FRMD3: variants seen among roughly 807,000 people sequenced by gnomAD.
FRMD3 encodes the protein FERM domain containing 3.
In FRMD3, 33 loss-of-function variants were observed where a neutral mutation model predicts 70.2. The observed-to-expected ratio is 0.47, with a 90% CI of 0.36 to 0.63. The LOEUF (loss-of-function observed/expected upper bound fraction) is 0.63, where lower values mean the gene tolerates loss of function less well. Among genes scored for constraint, FRMD3 ranks in the 20% least tolerant of loss-of-function variants. FRMD3 has a pLI of 0.00. For missense variants in FRMD3, 632 were observed against 711.4 expected (o/e 0.89, Z 1.27); for synonymous variants, 279 against 255.9 (o/e 1.09, Z -0.86).
chr9:83,438,643 A>G (rs1054426587), intron 1 of FRMD3, among the ~76,000 whole-genome samples: 5 of 151,756 alleles, frequency 3.3e-5, no homozygotes, highest in African/African-American at 9.7e-5. Context: ...CAGGTGATCC[A>G]CCCGCCTCTG....
Position 83,531,832 on chromosome 9 carries a change from A to G in FRMD3, c.147+6253T>C, listed in dbSNP as rs370051971. 4.6e-5 allele frequency among the ~76,000 whole-genome samples: 7 copies of G among 152,360 alleles called. No homozygotes were observed. The East Asian group carries it at 7.7e-4, about 17-fold the overall frequency. On this transcript the variant is annotated intron_variant, in intron 1 of 13. Coordinates refer to ENST00000304195, the MANE Select transcript of FRMD3 (RefSeq NM_174938.6). ...TTGAACATTTACAACATGCTTTTAC[A>G]TAAGCCATCTCAACAACACAGTGGA...
chr9:83,246,092 T>C lies in FRMD3; in HGVS notation c.*1826A>G. On this transcript the variant is annotated 3_prime_UTR_variant, in exon 14 of 14. Transcript: ENST00000304195. ...TTCAAAACTCATTTCCAAAATTAAATGTCCAGTGAAGTACTCAGAGCTCCA... is the reference window on the plus strand; with the variant it reads ...TTCAAAACTCATTTCCAAAATTAAACGTCCAGTGAAGTACTCAGAGCTCCA... The C allele has an allele frequency of 1.0e-6, 1 of 985,352 alleles. No homozygotes were observed. Among genetic ancestry groups the C allele is most frequent in the Non-Finnish European group, 1.2e-6 (1 of 829,902 alleles). 61.0% of individuals were successfully genotyped at this position (985,352 alleles called of 1,614,324 possible). A position where few individuals can be genotyped will look rare whatever the true frequency, so the allele number is the denominator to read the frequency against.
chr9:83,531,612 T>G (rs988357750), intron 1 of FRMD3, among the ~76,000 whole-genome samples: 1 of 152,332 alleles, frequency 6.6e-6, no homozygotes, highest in Admixed American at 6.5e-5. Flanking sequence ...AAGTGTTGAA[T>G]TGTCCTTACT....
At chr9:83,293,945 C>G (rs556939570) in intron 12 of FRMD3, among the ~76,000 whole-genome samples, 1 of 152,186 alleles carries the variant, frequency 6.6e-6, no homozygotes, top group Admixed American at 6.5e-5. Flanking sequence ...ATCCAGGGCT[C>G]CCAGCCCAAT....
intron 13 of FRMD3, among the ~76,000 whole-genome samples, chr9:83,277,703 G>A (rs987560283): frequency 2.0e-5 from 3 of 152,148 alleles, no homozygotes; most frequent in African/African-American, 7.2e-5. Context: ...TAACAAGAGA[G>A]CATGCTTGAC....
intron 13 of FRMD3, among the ~76,000 whole-genome samples, chr9:83,273,812 G>A (rs1287331014): frequency 6.6e-6 from 1 of 151,970 alleles, no homozygotes; most frequent in Non-Finnish European, 1.5e-5. Context: ...AAAGTCACTT[G>A]GTGTTTTCTT....
chr9:83,550,409 G>A, the FRMD3 span, among the ~76,000 whole-genome samples: 1 of 152,062 alleles, frequency 6.6e-6, no homozygotes, highest in Non-Finnish European at 1.5e-5. Context: ...TTTCTGCTTA[G>A]GATTGCCTTG....
At chr9:83,425,413 C>A (rs1006127264) in intron 1 of FRMD3, among the ~76,000 whole-genome samples, 1 of 152,010 alleles carries the variant, frequency 6.6e-6, no homozygotes, top group Admixed American at 6.6e-5. Flanking sequence ...AGGTGGGGGC[C>A]ATCAGAGCAT....
intron 3 of FRMD3, among the ~76,000 whole-genome samples, chr9:83,370,816 G>T (rs867369952): frequency 2.0e-5 from 3 of 152,110 alleles, no homozygotes; most frequent in Admixed American, 2.0e-4. Flanking sequence ...GGAGGCTGAG[G>T]CACAAGAATC....
chr9:83,282,101 A>G (rs1338878132), intron 13 of FRMD3, among the ~76,000 whole-genome samples: 2 of 152,214 alleles, frequency 1.3e-5, no homozygotes, highest in Non-Finnish European at 2.9e-5. Flanking sequence ...ATGTGAGTAT[A>G]AGGATGTAAT....
In FRMD3 at chr9:83,351,153, G is replaced by A. The variant is rs144890462; in HGVS notation, c.296-1396C>T. Among the ~76,000 whole-genome samples, 170 of 152,256 alleles carry A rather than the reference G, an allele frequency of 1.1e-3. 1 individual carries two copies. Among genetic ancestry groups the A allele is most frequent in the African/African-American group, 4.0e-3 (165 of 41,564 alleles). Reference sequence around the variant, plus strand: ...ATTCTACACTGTCTGGACTACTCCAGATGTAGACGAATCCTTTACATAAGA... The same window carrying A: ...ATTCTACACTGTCTGGACTACTCCAAATGTAGACGAATCCTTTACATAAGA... On this transcript the variant is annotated intron_variant, in intron 3 of 13. Transcript: ENST00000304195.
intron 1 of FRMD3, among the ~76,000 whole-genome samples, chr9:83,483,455 C>T (rs1463115709): frequency 1.3e-5 from 2 of 152,212 alleles, no homozygotes; most frequent in Non-Finnish European, 2.9e-5. Flanking sequence ...TCAGGATCTA[C>T]ATTTTCCACC....
At chr9:83,539,046 C>G (rs1354838108), upstream of FRMD3, among the ~76,000 whole-genome samples, 1 of 152,188 alleles carries the variant, frequency 6.6e-6, no homozygotes, top group Non-Finnish European at 1.5e-5. Context: ...ATGTGCAAAT[C>G]CTCCTTTAAA....
At chr9:83,442,786 T>G (rs1827341588) in intron 1 of FRMD3, among the ~76,000 whole-genome samples, 1 of 151,938 alleles carries the variant, frequency 6.6e-6, no homozygotes, top group Non-Finnish European at 1.5e-5. Flanking sequence ...GTGAGTTACC[T>G]CCCTTTCATC....
At chr9:83,559,108 A>G in the FRMD3 span, among the ~76,000 whole-genome samples, 1 of 152,228 alleles carries the variant, frequency 6.6e-6, no homozygotes, top group Admixed American at 6.5e-5. Flanking sequence ...GCAGGTTTTG[A>G]GAGGATTGAC....
intron 1 of FRMD3, among the ~76,000 whole-genome samples, chr9:83,531,260 C>T (rs557352096): frequency 6.6e-6 from 1 of 152,188 alleles, no homozygotes; most frequent in East Asian, 1.9e-4. Flanking sequence ...AGTAAATGTC[C>T]TTAATGTTAA....
chr9:83,448,986 G>C (rs1827562069), intron 1 of FRMD3, among the ~76,000 whole-genome samples: 1 of 152,184 alleles, frequency 6.6e-6, no homozygotes, highest in South Asian at 2.1e-4. Flanking sequence ...GGTCTTATCT[G>C]TATGAAACAT....
chr9:83,346,619 G>T (rs919341571), intron 4 of FRMD3, among the ~76,000 whole-genome samples: 8 of 152,190 alleles, frequency 5.3e-5, no homozygotes, highest in African/African-American at 9.7e-5. Flanking sequence ...ATCAGATCAT[G>T]GTGTTAGTGG....
At chr9:83,539,405 A>C (rs1039761264), upstream of FRMD3, among the ~76,000 whole-genome samples, 5 of 152,304 alleles carry the variant, frequency 3.3e-5, no homozygotes, top group South Asian at 1.0e-3. Context: ...GAGCACTAGA[A>C]TGTCCAGGAG....
Sources: allele counts gnomAD v4.1 joint callset (sites outside exome capture counted in the v4.1 genomes callset), GRCh38; gene constraint gnomAD v4.1.1; transcripts MANE v1.5; gene names NCBI Gene and HGNC (gene_info 2026-07-23, HGNC 2026-07-21).